SYPL1: variants seen among roughly 807,000 people sequenced by gnomAD.
SYPL1 encodes synaptophysin like 1.
Under a neutral mutation model 23.7 loss-of-function variants are expected in SYPL1, and 6 were observed. That is an observed-to-expected ratio of 0.25 (90% CI 0.14 to 0.50). The LOEUF is 0.50. SYPL1 is among the 20% of genes least tolerant of loss of function. The pLI, the probability that SYPL1 is intolerant of heterozygous loss-of-function variation, is 0.98. For synonymous variants in SYPL1, 102 were observed against 104.5 expected (o/e 0.98, Z 0.15); for missense variants, 253 against 288.9 (o/e 0.88, Z 0.90).
chr7:106,100,023 A>G lies in SYPL1; in HGVS notation c.70-741T>C, dbSNP rs1840232444. The stretch of plus-strand genomic sequence containing the variant: ...CACTAAGTATTAGTATGAAATATAG[A>G]GGGAGACTCATTTATTAGTATAAAA... On this transcript the variant is annotated intron_variant, in intron 1 of 4. Coordinates refer to ENST00000455385, the MANE Select transcript of SYPL1 (RefSeq NM_182715.4). The surrounding 1 kb of genome is among the most constrained non-coding windows in gnomAD (Gnocchi z 5.1). Among the ~76,000 whole-genome samples, 2 of 152,190 alleles carry G rather than the reference A, an allele frequency of 1.3e-5. No homozygotes were observed. The highest frequency in any genetic ancestry group is 1.3e-4 in the Admixed American group (2 of 15,280).
At position 106,099,279 on chromosome 7, in the gene SYPL1, C is replaced by T. The variant is rs2116127279; in HGVS notation, c.73G>A (p.Ala25Thr). 6.3e-7 allele frequency: 1 copy of T among 1,595,938 alleles called. No homozygotes were observed. The highest frequency in any genetic ancestry group is 1.7e-4 in the Middle Eastern group (1 of 5,970). ...LGFIKVLEWI[A>T]SIFAFATCGG... ...CAGGTGGCAAAAGCAAAGATAGAAGCAATCTACACAAAGTAAGATGAAAAA... is the reference window on the plus strand; with the variant it reads ...CAGGTGGCAAAAGCAAAGATAGAAGTAATCTACACAAAGTAAGATGAAAAA... The change falls in exon 2 of 5, where the codon GCT (alanine) becomes ACT (threonine). Residue 25 changes from alanine to threonine, a missense_variant. Transcript: ENST00000455385.
At position 106,095,193 on chromosome 7, in the gene SYPL1, T is replaced by C. The variant is rs1423700302; in HGVS notation, c.403-2056A>G. Among the ~76,000 whole-genome samples the C allele has an allele frequency of 6.6e-6, 1 of 152,122 alleles. No individual in the cohort carries two copies. ...GTGCTATATTTACTTCAAAAGAGAA[T>C]TGAAGTAGATTTAAATTTTCATAAC... On this transcript the variant is annotated intron_variant, in intron 3 of 4. Coordinates refer to ENST00000455385, the MANE Select transcript of SYPL1 (RefSeq NM_182715.4). This position sits in a 1 kb window ranked among gnomAD's most constrained non-coding sequence, Gnocchi z 4.3.
In SYPL1 at chr7:106,112,148, G is replaced by T. The variant is rs767621558; in HGVS notation, c.61C>A (p.Leu21Ile). 6.5e-7 allele frequency: 1 copy of T among 1,534,508 alleles called. No individual in the cohort carries two copies. Among genetic ancestry groups the T allele is most frequent in the Non-Finnish European group, 8.8e-7 (1 of 1,132,458 alleles). The change falls in exon 1 of 5, where the codon CTC (leucine) becomes ATC (isoleucine). Residue 21 changes from leucine to isoleucine, a missense_variant. Transcript: ENST00000455385. ...LKEPLGFIKV[L>I]EWIASIFAFA... is the part of the protein sequence containing the mutation. ...GCGCGGGCTGCACTCACCCACTCGA[G>T]GACCTTGATGAAGCCGAGTGGCTCC...
At chr7:106,098,552 A>T (rs528658476) in intron 2 of SYPL1, among the ~76,000 whole-genome samples, 56 of 152,346 alleles carry the variant, frequency 3.7e-4, no homozygotes, top group Admixed American at 8.5e-4. Context: ...TGGGTGAAGT[A>T]AGTAAAATTA....
chr7:106,097,927 CT>C lies in SYPL1; in HGVS notation c.195-31del, dbSNP rs745332748. The C allele has an allele frequency of 6.4e-7, 1 of 1,565,230 alleles. No homozygotes were observed. The highest frequency in any genetic ancestry group is 1.7e-5 in the Admixed American group (1 of 58,994). On this transcript the variant is annotated intron_variant, in intron 2 of 4. Coordinates refer to ENST00000455385, the MANE Select transcript of SYPL1 (RefSeq NM_182715.4). The surrounding 1 kb of genome is among the most constrained non-coding windows in gnomAD (Gnocchi z 4.6). ...TAAAATAAATGTATGAATTATTGGA[CT>C]TTCCCAACAGAGACAGAAACATTTA...
rs1345014471 is a variant in SYPL1 at position 106,104,889 on chromosome 7, T to G, written c.70-5607A>C. ...CTGTTGGTAAAACCCGGCCTGCAAA[T>G]ATATTTGTGTGGCCTTTCCAGTATT... On this transcript the variant is annotated intron_variant, in intron 1 of 4. Transcript: ENST00000455385. This position sits in a 1 kb window ranked among gnomAD's most constrained non-coding sequence, Gnocchi z 4.1. 6.6e-6 allele frequency among the ~76,000 whole-genome samples: 1 copy of G among 152,216 alleles called. No homozygotes were observed. Among genetic ancestry groups the G allele is most frequent in the Non-Finnish European group, 1.5e-5 (1 of 68,038 alleles).
At chr7:106,092,463 G>C in intron 4 of SYPL1, 1 of 221,032 alleles carries the variant, frequency 4.5e-6, no homozygotes, top group Non-Finnish European at 9.2e-6. Context: ...ACTTGAGGTC[G>C]GGAGTTTGAC....
chr7:106,103,315 G>A (rs910779887), intron 1 of SYPL1, among the ~76,000 whole-genome samples: 1 of 152,148 alleles, frequency 6.6e-6, no homozygotes, highest in Admixed American at 6.5e-5. Flanking sequence ...TGTTGCATAT[G>A]ACTACCTAGA....
At chr7:106,092,034 A>AT (rs1215192319) in intron 4 of SYPL1, 95 bp from the exon 5 acceptor site, 2 of 1,236,162 alleles carry the variant, frequency 1.6e-6, no homozygotes, top group Admixed American at 2.7e-5. Flanking sequence ...AATATTTAAC[A>AT]TTTTTAGGAA....
intron 1 of SYPL1, among the ~76,000 whole-genome samples, chr7:106,099,935 T>A (rs1285512388): frequency 6.6e-6 from 1 of 152,230 alleles, no homozygotes; most frequent in Non-Finnish European, 1.5e-5. Context: ...TTCCCCGGAG[T>A]ATAATATAGA....
chr7:106,094,788 T>C (rs1448138509), intron 3 of SYPL1, among the ~76,000 whole-genome samples: 1 of 152,232 alleles, frequency 6.6e-6, no homozygotes, highest in African/African-American at 2.4e-5. Context: ...AGTCTTTTTT[T>C]TTCGTAGTTA....
At chr7:106,099,127 T>C (rs1205353897) in intron 2 of SYPL1, 31 bp downstream of exon 2, 3 of 1,585,680 alleles carry the variant, frequency 1.9e-6, no homozygotes, top group South Asian at 1.2e-5. Context: ...GTAAAAAGAG[T>C]TGTGAAACCA....
chr7:106,092,672 CAAAA>C (rs549863505), intron 4 of SYPL1: 692 of 269,190 alleles, frequency 2.6e-3, no homozygotes, highest in East Asian at 4.7e-3. Flanking sequence ...AACTCCATCT[CAAAA>C]AAAAAAAAAA....
rs1840098164 is a variant in SYPL1, at chr7:106,097,802, G to A, written c.290C>T (p.Ala97Val). The change falls in exon 3 of 5, where the codon GCA becomes GTA. Residue 97 changes from alanine to valine, a missense_variant. By Grantham distance (64) the Ala-to-Val change is moderately conservative. Coordinates refer to ENST00000455385, the MANE Select transcript of SYPL1 (RefSeq NM_182715.4). This position sits in a 1 kb window ranked among gnomAD's most constrained non-coding sequence, Gnocchi z 4.6. Reference protein sequence around the residue: ...YVLIGDYSSSAQFYVTFAVFV... With the variant: ...YVLIGDYSSSVQFYVTFAVFV... The stretch of plus-strand genomic sequence containing the variant: ...GACTGCAAAGGTAACATAGAATTGT[G>A]CAGAAGAAGAGTAATCGCCTATGAG... The A allele has an allele frequency of 1.9e-6, 3 of 1,614,092 alleles. No homozygotes were observed. The highest frequency in any genetic ancestry group is 2.5e-6 in the Non-Finnish European group (3 of 1,179,984).
chr7:106,094,438 A>G (rs1444372457), intron 3 of SYPL1, among the ~76,000 whole-genome samples: 2 of 152,224 alleles, frequency 1.3e-5, no homozygotes, highest in Non-Finnish European at 2.9e-5. Flanking sequence ...AATAATTACT[A>G]ATTACATGAA....
chr7:106,102,716 G>A (rs176497), intron 1 of SYPL1, among the ~76,000 whole-genome samples: 149,854 of 152,306 alleles, frequency 0.98, 73,721 homozygotes, highest in East Asian at 1. Context: ...AATGGGTGAG[G>A]TTTATTATCT....
chr7:106,112,171 T>C lies in SYPL1; in HGVS notation c.38A>G (p.Glu13Gly). ...GFQINLNPLK[E>G]PLGFIKVLEW... ...GAGGACCTTGATGAAGCCGAGTGGC[T>C]CCTTGAGCGGGTTGAGGTTGATCTG... Residue 13 changes from glutamate (E) to glycine (G), a missense_variant, in exon 1 of 5, where the codon GAG (glutamate) becomes GGG (glycine). By Grantham distance (98) the Glu-to-Gly change is moderately conservative. Coordinates refer to ENST00000455385, the MANE Select transcript of SYPL1 (RefSeq NM_182715.4). 6.5e-7 allele frequency: 1 copy of C among 1,544,390 alleles called. No homozygotes were observed. Among genetic ancestry groups the C allele is most frequent in the Non-Finnish European group, 8.8e-7 (1 of 1,137,976 alleles).
chr7:106,102,872 A>G (rs1332055371), intron 1 of SYPL1, among the ~76,000 whole-genome samples: 2 of 152,248 alleles, frequency 1.3e-5, no homozygotes, highest in Non-Finnish European at 2.9e-5. Context: ...TCTTTAAAAA[A>G]TGTGAAGACA....
At chr7:106,093,784 C>A (rs1363389035) in intron 3 of SYPL1, among the ~76,000 whole-genome samples, 2 of 83,044 alleles carry the variant, frequency 2.4e-5, no homozygotes, top group South Asian at 4.2e-4. Context: ...AAAGCACACA[C>A]CAGAATGGTA....
Sources: gnomAD v4.1 joint callset for allele counts (sites outside exome capture counted in the v4.1 genomes callset) on GRCh38, gnomAD v4.1.1 for gene constraint, Gnocchi (gnomAD v3.1) non-coding constraint, MANE v1.5 for transcripts, NCBI Gene and HGNC (gene_info 2026-07-23, HGNC 2026-07-21) for gene names.